The following HS6ST3 variants were observed in gnomAD, a reference collection of about 807,000 sequenced individuals.
HS6ST3 encodes the protein heparan sulfate 6-O-sulfotransferase 3, also known as heparan-sulfate 6-O-sulfotransferase 3.
A neutral mutation model predicts 36.7 loss-of-function variants in HS6ST3; 12 were observed. The ratio of observed to expected loss-of-function variants is 0.33; its 90% confidence interval spans 0.21 to 0.53. The LOEUF (loss-of-function observed/expected upper bound fraction) is 0.53, where lower values mean the gene tolerates loss of function less well. HS6ST3 is among the 20% of genes least tolerant of loss of function. The pLI, the probability that HS6ST3 is intolerant of heterozygous loss-of-function variation, is 0.95. For synonymous variants in HS6ST3, 240 were observed against 257.5 expected, an observed-to-expected ratio of 0.93 and a Z score of 0.65; for missense variants, 584 against 640.9, an observed-to-expected ratio of 0.91 and a Z score of 0.96.
chr13:96,837,675 A>G lies in HS6ST3; in HGVS notation c.*4477A>G, dbSNP rs1051423357. The G allele has an allele frequency of 5.9e-5, 9 of 152,140 alleles. No homozygotes were observed. The highest frequency in any genetic ancestry group is 1.9e-4 in the African/African-American group (8 of 41,420). The allele number at this position is 152,140 out of a possible 1,614,324, so 9.4% of individuals were successfully genotyped here. On this transcript the variant is annotated 3_prime_UTR_variant, in exon 2 of 2. Transcript: ENST00000376705. The stretch of plus-strand genomic sequence containing the variant: ...GCCTCTTATTAGGAATGAAATATCC[A>G]AGAGATGGGCGGTGCTGCAGGGGAG...
intron 1 of HS6ST3, among the ~76,000 whole-genome samples, chr13:96,460,046 G>T (rs9516703): frequency 0.62 from 94,568 of 152,044 alleles, 32,456 homozygotes; most frequent in South Asian, 0.79. Flanking sequence ...CTATATTGCA[G>T]TCATTAAAGG....
chr13:96,657,680 C>A (rs146867665), intron 1 of HS6ST3, among the ~76,000 whole-genome samples: 1 of 152,090 alleles, frequency 6.6e-6, no homozygotes. Flanking sequence ...GAATCCTTGA[C>A]GGTGGACATG....
intron 1 of HS6ST3, among the ~76,000 whole-genome samples, chr13:96,614,219 A>T (rs2138990449): frequency 6.8e-6 from 1 of 146,222 alleles, no homozygotes; most frequent in African/African-American, 2.5e-5. Flanking sequence ...AATGGCGAGA[A>T]CCCGGGAGGC....
chr13:96,765,464 A>G (rs183032694), intron 1 of HS6ST3, among the ~76,000 whole-genome samples: 1 of 152,298 alleles, frequency 6.6e-6, no homozygotes, highest in African/African-American at 2.4e-5. Flanking sequence ...GATTAGATCA[A>G]TGTAAGATTT....
At chr13:96,571,069 G>A (rs929816421) in intron 1 of HS6ST3, among the ~76,000 whole-genome samples, 8 of 152,176 alleles carry the variant, frequency 5.3e-5, no homozygotes, top group African/African-American at 1.7e-4. Context: ...GAGGTCTAGG[G>A]TAGAGATGTG....
rs1484050992 is a variant in HS6ST3 at position 96,640,375 on chromosome 13, T to A, written c.708-192115T>A. ...TGCTTATATGTCTTCTTTTGAGAAG[T>A]GTTTGCTCATGTCTTTTGTCCATTT... On this transcript the variant is annotated intron_variant, in intron 1 of 1. Coordinates refer to ENST00000376705, the MANE Select transcript of HS6ST3 (RefSeq NM_153456.4). Among the ~76,000 whole-genome samples the A allele has an allele frequency of 2.6e-5, 4 of 152,052 alleles. No homozygotes were observed. In the East Asian group the frequency reaches 7.7e-4, roughly 29 times the overall value.
At chr13:96,386,931 C>G (rs1215486809) in intron 1 of HS6ST3, among the ~76,000 whole-genome samples, 2 of 152,094 alleles carry the variant, frequency 1.3e-5, no homozygotes, top group African/African-American at 2.4e-5. Context: ...TAGAATTTCT[C>G]TCTCTCTTTT....
intron 1 of HS6ST3, among the ~76,000 whole-genome samples, chr13:96,701,698 G>A (rs1419045642): frequency 6.6e-6 from 1 of 152,086 alleles, no homozygotes. Context: ...GGTGTCTCAC[G>A]CCTGTAGTCC....
chr13:96,520,247 G>GTA, intron 1 of HS6ST3, among the ~76,000 whole-genome samples: 1 of 152,262 alleles, frequency 6.6e-6, no homozygotes, highest in South Asian at 2.1e-4. Flanking sequence ...ATGCTGTTTT[G>GTA]GTTACTGTAG....
At chr13:96,181,822 T>C (rs2054241341) in intron 1 of HS6ST3, among the ~76,000 whole-genome samples, 1 of 152,210 alleles carries the variant, frequency 6.6e-6, no homozygotes, top group Non-Finnish European at 1.5e-5. Context: ...TTAATTTATA[T>C]CCGCACCTCT....
intron 1 of HS6ST3, among the ~76,000 whole-genome samples, chr13:96,340,678 C>T (rs967142938): frequency 6.6e-6 from 1 of 152,242 alleles, no homozygotes; most frequent in Non-Finnish European, 1.5e-5. Context: ...CTTTCATTTA[C>T]ATGTATGTTT....
chr13:96,696,185 G>C (rs926436088), intron 1 of HS6ST3, among the ~76,000 whole-genome samples: 12 of 152,168 alleles, frequency 7.9e-5, no homozygotes, highest in Non-Finnish European at 1.0e-4. Flanking sequence ...CTGTCAGAAG[G>C]GCCGGCTGGA....
At chr13:96,625,087 A>G (rs1423949005) in intron 1 of HS6ST3, among the ~76,000 whole-genome samples, 1 of 152,178 alleles carries the variant, frequency 6.6e-6, no homozygotes, top group Admixed American at 6.5e-5. Context: ...GGGAGTAGCA[A>G]CCTGTAGGCT....
At position 96,587,272 on chromosome 13, in the gene HS6ST3, G is replaced by C. The variant is rs576096818; in HGVS notation, c.708-245218G>C. 5.3e-5 allele frequency among the ~76,000 whole-genome samples: 8 copies of C among 151,298 alleles called. No individual in the cohort carries two copies. The South Asian group carries it at 6.3e-4, about 12-fold the overall frequency. ...ATTTTTTTTGCTCAACATTTCTTTG[G>C]TTATTCAGGTTTTTTTGTAGGTTCC... On this transcript the variant is annotated intron_variant, in intron 1 of 1. Coordinates refer to ENST00000376705, the MANE Select transcript of HS6ST3 (RefSeq NM_153456.4).
intron 1 of HS6ST3, among the ~76,000 whole-genome samples, chr13:96,659,038 TAGC>T (rs1293659835): frequency 7.2e-5 from 11 of 152,200 alleles, no homozygotes; most frequent in Non-Finnish European, 5.9e-5. Flanking sequence ...GCTTTATGCT[TAGC>T]AGTGTTGATT....
In HS6ST3 at chr13:96,164,515, C is replaced by T. The variant is rs571922103; in HGVS notation, c.707+72946C>T. Among the ~76,000 whole-genome samples the T allele has an allele frequency of 5.9e-5, 9 of 151,846 alleles. No homozygotes were observed. The South Asian group carries it at 1.9e-3, about 32-fold the overall frequency. ...GAGGCTGCAGTTTGCTATGATCCCA[C>T]CACTGCACTCTAGCCTGGGAGACAG... On this transcript the variant is annotated intron_variant, in intron 1 of 1. Coordinates refer to ENST00000376705, the MANE Select transcript of HS6ST3 (RefSeq NM_153456.4).
At chr13:96,240,475 C>G (rs2139372274) in intron 1 of HS6ST3, among the ~76,000 whole-genome samples, 1 of 152,202 alleles carries the variant, frequency 6.6e-6, no homozygotes, top group Middle Eastern at 3.4e-3. Flanking sequence ...CAGGAACATT[C>G]ATTTGCTAAG....
chr13:96,589,717 T>A (rs1485634493), intron 1 of HS6ST3, among the ~76,000 whole-genome samples: 1 of 152,114 alleles, frequency 6.6e-6, no homozygotes, highest in African/African-American at 2.4e-5. Context: ...CTGTATTTAA[T>A]TTATATAGTT....
chr13:96,501,243 G>T lies in HS6ST3; in HGVS notation c.708-331247G>T, dbSNP rs114101196. Among the ~76,000 whole-genome samples the T allele has an allele frequency of 6.7e-3, 1,014 of 152,296 alleles. 12 individuals are homozygous for T. Among genetic ancestry groups the T allele is most frequent in the African/African-American group, 0.024 (978 of 41,566 alleles). Reference sequence around the variant, plus strand: ...AACCTAATGGTCTGTTTGCTCGACAGAAGGGGTGTCAATTCTTGGAGCACC... The same window carrying T: ...AACCTAATGGTCTGTTTGCTCGACATAAGGGGTGTCAATTCTTGGAGCACC... On this transcript the variant is annotated intron_variant, in intron 1 of 1. Transcript: ENST00000376705.
Sources: gnomAD v4.1 joint callset for allele counts (sites outside exome capture counted in the v4.1 genomes callset) on GRCh38, gnomAD v4.1.1 for gene constraint, MANE v1.5 for transcripts, NCBI Gene and HGNC (gene_info 2026-07-23, HGNC 2026-07-21) for gene names.